Variants in HHLA1 observed in about 807,000 individuals in gnomAD.
The protein encoded by HHLA1 is HHLA1 neighbor of OC90, also known as HERV-H LTR-associating protein 1.
Under a neutral mutation model 69.9 loss-of-function variants are expected in HHLA1, and 72 were observed. The observed-to-expected ratio is 1.03, with a 90% CI of 0.85 to 1.25. The LOEUF (loss-of-function observed/expected upper bound fraction) is 1.25, where lower values mean the gene tolerates loss of function less well. Ranked by LOEUF, HHLA1 falls within the 50% of genes most tolerant of loss-of-function variation. The probability of loss-of-function intolerance (pLI) is 0.00; values close to 1 mark genes in which losing one functional copy is unlikely to be tolerated. For missense variants in HHLA1, 685 were observed against 642.2 expected, an observed-to-expected ratio of 1.07 and a Z score of -0.72; for synonymous variants, 252 against 233.2, an observed-to-expected ratio of 1.08 and a Z score of -0.73.
In HHLA1 at chr8:132,076,512, A is replaced by G. The variant is rs186083597; in HGVS notation, c.1203T>C (p.Ser401=). The G allele has an allele frequency of 2.4e-4, 340 of 1,426,870 alleles. 1 individual carries two copies. Among genetic ancestry groups the G allele is most frequent in the Admixed American group, 4.1e-4 (18 of 43,600 alleles). The allele number at this position is 1,426,870 out of a possible 1,614,324, so 88.4% of individuals were successfully genotyped here. ...ATCTGGGGGCTGTTGCCTTGGTTGG[A>G]CTCGGAGTCTGTGTGCCATGGGTGA... ...GAFTHGTQTP[S]PTKATAPRYP... Residue 401 remains serine, a synonymous_variant, in exon 13 of 17, where the codon AGT becomes AGC. Transcript: ENST00000414222.
At chr8:132,067,269 T>C (rs1281414868) in intron 15 of HHLA1, among the ~76,000 whole-genome samples, 2 of 152,210 alleles carry the variant, frequency 1.3e-5, no homozygotes, top group Admixed American at 1.3e-4. Context: ...TCCCCTCTAC[T>C]GCCCTCCAAT....
At chr8:132,097,400 A>T (rs111456418) in intron 5 of HHLA1, among the ~76,000 whole-genome samples, 2,666 of 152,308 alleles carry the variant, frequency 0.018, 86 homozygotes, top group African/African-American at 0.057. Context: ...TGGATTAAAC[A>T]GTTCTGAATT....
rs544494289 is a variant in HHLA1, at chr8:132,071,046, C to T, written c.1469+294G>A. Among the ~76,000 whole-genome samples the T allele has an allele frequency of 1.1e-4, 16 of 152,258 alleles. No homozygotes were observed. In the South Asian group the frequency reaches 3.3e-3, roughly 32 times the overall value. ...CTCAACTTATCTCAACTCATCACAACTCCAATTCAACTCAACTCAACTCCA... is the reference window on the plus strand; with the variant it reads ...CTCAACTTATCTCAACTCATCACAATTCCAATTCAACTCAACTCAACTCCA... On this transcript the variant is annotated intron_variant, in intron 15 of 16. Coordinates refer to ENST00000414222, the MANE Select transcript of HHLA1 (RefSeq NM_001145095.3).
intron 3 of HHLA1, among the ~76,000 whole-genome samples, chr8:132,102,457 G>A (rs1269620262): frequency 6.6e-6 from 1 of 152,204 alleles, no homozygotes; most frequent in African/African-American, 2.4e-5. Flanking sequence ...TGTCACAAAA[G>A]GAAGTCTGAG....
intron 1 of HHLA1, among the ~76,000 whole-genome samples, chr8:132,105,955 C>G (rs1034982608): frequency 3.3e-5 from 5 of 152,168 alleles, no homozygotes; most frequent in Admixed American, 2.6e-4. Flanking sequence ...TTTGCATTTG[C>G]CATGCAAAAT....
In HHLA1 at chr8:132,068,302, T is replaced by C. The variant is rs143849289; in HGVS notation, c.1470-2334A>G. 1.8e-3 allele frequency among the ~76,000 whole-genome samples: 270 copies of C among 152,322 alleles called. 1 individual carries two copies. The highest frequency in any genetic ancestry group is 3.1e-3 in the South Asian group (15 of 4,828). On this transcript the variant is annotated intron_variant, in intron 15 of 16. Coordinates refer to ENST00000414222, the MANE Select transcript of HHLA1 (RefSeq NM_001145095.3). ...AAGTGTACACCGCTCTCAGGATGAA[T>C]GAGAATCTTGCCTCTATGATCAGGA...
Position 132,092,316 on chromosome 8 carries a change from G to A in HHLA1, c.449-2717C>T, listed in dbSNP as rs78863970. ...CCATGAGATTAAATTCTGGGAAATA[G>A]GATGTAAGAGGGAGAAATGTGAATG... On this transcript the variant is annotated intron_variant, in intron 7 of 16. Transcript: ENST00000414222. Among the ~76,000 whole-genome samples, 444 of 152,274 alleles carry A rather than the reference G, an allele frequency of 2.9e-3. 1 individual carries two copies. Among genetic ancestry groups the A allele is most frequent in the Non-Finnish European group, 3.2e-3 (218 of 68,020 alleles).
intron 10 of HHLA1, among the ~76,000 whole-genome samples, chr8:132,084,895 G>A (rs1016755686): frequency 2.6e-5 from 4 of 152,044 alleles, no homozygotes; most frequent in Admixed American, 1.3e-4. Context: ...TGCCGCCTAG[G>A]AAAGCAGGAC....
intron 12 of HHLA1, 82 bp from the exon 13 acceptor site, chr8:132,076,625 G>C (rs1181526406): frequency 6.8e-6 from 6 of 879,692 alleles, no homozygotes; most frequent in Non-Finnish European, 9.9e-6. Flanking sequence ...CACCTATCCT[G>C]CCCTATCCAA....
chr8:132,079,601 C>A (rs766556915), intron 11 of HHLA1, 117 bp downstream of exon 11: 2 of 1,131,048 alleles, frequency 1.8e-6, no homozygotes, highest in South Asian at 1.7e-5. Flanking sequence ...TAAGCTGAAG[C>A]GTAACTTCAG....
intron 14 of HHLA1, among the ~76,000 whole-genome samples, chr8:132,075,841 A>T (rs1041514958): frequency 2.0e-5 from 3 of 152,250 alleles, no homozygotes; most frequent in Non-Finnish European, 2.9e-5. Context: ...TTTAGTGCCC[A>T]CAAAAATTGC....
At chr8:132,075,919 G>A in intron 14 of HHLA1, 136 bp downstream of exon 14, 1 of 638,272 alleles carries the variant, frequency 1.6e-6, no homozygotes, top group Non-Finnish European at 2.7e-6. Context: ...CACCTCACCA[G>A]TAAATGGCTG....
intron 7 of HHLA1, among the ~76,000 whole-genome samples, chr8:132,094,358 G>A (rs994780468): frequency 2.0e-5 from 3 of 152,106 alleles, no homozygotes; most frequent in African/African-American, 4.8e-5. Flanking sequence ...TTCTTATTCC[G>A]GGTGAAAATT....
chr8:132,102,212 A>G (rs906686189), intron 3 of HHLA1, among the ~76,000 whole-genome samples: 1 of 152,238 alleles, frequency 6.6e-6, no homozygotes, highest in East Asian at 1.9e-4. Flanking sequence ...CATTGTATGT[A>G]TATACCACAT....
chr8:132,100,150 T>C lies in HHLA1; in HGVS notation c.140-16A>G. 4 of 1,537,426 alleles carry C rather than the reference T, an allele frequency of 2.6e-6. No individual in the cohort carries two copies. Among genetic ancestry groups the C allele is most frequent in the Non-Finnish European group, 2.6e-6 (3 of 1,134,252 alleles). On this transcript the variant is annotated splice_polypyrimidine_tract_variant and intron_variant, in intron 3 of 16. Coordinates refer to ENST00000414222, the MANE Select transcript of HHLA1 (RefSeq NM_001145095.3). ...AGGCCAGACACTGGGAAGGAGACAG[T>C]TTTCATGAGAAAAATGTGAGTGGTC... is the stretch of plus-strand genomic sequence containing the variant.
intron 1 of HHLA1, among the ~76,000 whole-genome samples, chr8:132,108,496 G>T (rs571826150): frequency 5.3e-5 from 8 of 152,076 alleles, no homozygotes; most frequent in Non-Finnish European, 1.0e-4. Flanking sequence ...CATTTCTCAT[G>T]ACTATTATTG....
intron 5 of HHLA1, among the ~76,000 whole-genome samples, chr8:132,098,676 G>A (rs1824061331): frequency 6.6e-6 from 1 of 151,790 alleles, no homozygotes; most frequent in African/African-American, 2.4e-5. Context: ...TGCCTAGGCT[G>A]GTCTCAAACT....
intron 15 of HHLA1, among the ~76,000 whole-genome samples, chr8:132,066,970 T>C (rs1292902601): frequency 6.6e-6 from 1 of 152,110 alleles, no homozygotes; most frequent in Non-Finnish European, 1.5e-5. Context: ...GGTGGTTCTA[T>C]AGAGGGACTT....
At position 132,095,611 on chromosome 8, in the gene HHLA1, A is replaced by T. The variant is rs558159693; in HGVS notation, c.365-9T>A. On this transcript the variant is annotated splice_polypyrimidine_tract_variant and intron_variant, in intron 6 of 16. Coordinates refer to ENST00000414222, the MANE Select transcript of HHLA1 (RefSeq NM_001145095.3). ...TGTCTTCAGGTTAGAAACTGTGAAG[A>T]GAAAGGATTCAACAGAGATCCTAAC... is the stretch of plus-strand genomic sequence containing the variant. 6.5e-7 allele frequency: 1 copy of T among 1,541,188 alleles called. No individual in the cohort carries two copies. Among genetic ancestry groups the T allele is most frequent in the South Asian group, 1.2e-5 (1 of 83,832 alleles).
Sources: gnomAD v4.1 joint callset for allele counts (sites outside exome capture counted in the v4.1 genomes callset) on GRCh38, gnomAD v4.1.1 for gene constraint, MANE v1.5 for transcripts, NCBI Gene and HGNC (gene_info 2026-07-23, HGNC 2026-07-21) for gene names.